Variants in ADGRL2 observed in about 807,000 individuals in gnomAD.
ADGRL2 encodes the protein adhesion G protein-coupled receptor L2, also known as calcium-independent alpha-latrotoxin receptor 2.
Under a neutral mutation model 157.4 loss-of-function variants are expected in ADGRL2, and 44 were observed. The ratio of observed to expected loss-of-function variants is 0.28; its 90% CI spans 0.22 to 0.36. ADGRL2 has a LOEUF of 0.36. Among genes scored for constraint, ADGRL2 ranks in the 10% least tolerant of loss-of-function variants. ADGRL2 has a pLI of 1.00. For synonymous variants in ADGRL2, 585 were observed against 624.7 expected (o/e 0.94, Z 0.95); for missense variants, 1,510 against 1,768.9 (o/e 0.85, Z 2.63).
At chr1:81,681,705 G>C (rs573263204) in intron 3 of ADGRL2, among the ~76,000 whole-genome samples, 1 of 152,278 alleles carries the variant, frequency 6.6e-6, no homozygotes, top group South Asian at 2.1e-4. Context: ...GCCTTGAGAA[G>C]GGGGAATTGT....
intron 2 of ADGRL2, among the ~76,000 whole-genome samples, chr1:81,864,815 CAAAA>C (rs2093489478): frequency 6.6e-6 from 1 of 151,948 alleles, no homozygotes; most frequent in African/African-American, 2.4e-5. Flanking sequence ...ACAAACAAAA[CAAAA>C]CAAACAAAAA....
intron 2 of ADGRL2, among the ~76,000 whole-genome samples, chr1:81,766,959 C>T (rs190292269): frequency 5.1e-4 from 77 of 151,990 alleles, no homozygotes; most frequent in Middle Eastern, 6.8e-3. Context: ...TACCCTTCTA[C>T]GGTTCTTTAA....
intron 2 of ADGRL2, chr1:81,503,349 G>T: frequency 1.9e-6 from 3 of 1,614,038 alleles, no homozygotes; most frequent in Non-Finnish European, 2.5e-6. Flanking sequence ...TCATCACGGG[G>T]TCTGCTCCCC....
At chr1:81,401,076 G>A (rs1342395834) in intron 1 of ADGRL2, among the ~76,000 whole-genome samples, 1 of 152,138 alleles carries the variant, frequency 6.6e-6, no homozygotes, top group East Asian at 1.9e-4. Context: ...TTCAGCTTAG[G>A]TACTAGGATT....
intron 3 of ADGRL2, among the ~76,000 whole-genome samples, chr1:81,641,114 T>G (rs1414139265): frequency 6.6e-6 from 1 of 152,218 alleles, no homozygotes. Flanking sequence ...GAATGAAGTG[T>G]TGCCTGATTC....
intron 11 of ADGRL2, among the ~76,000 whole-genome samples, chr1:81,957,914 A>G (rs1010405470): frequency 6.7e-6 from 1 of 149,614 alleles, no homozygotes; most frequent in African/African-American, 2.5e-5. Context: ...GCCTGCAATC[A>G]CAGCACTTTG....
At chr1:81,702,855 C>T (rs1383256913) in intron 1 of ADGRL2, among the ~76,000 whole-genome samples, 1 of 152,098 alleles carries the variant, frequency 6.6e-6, no homozygotes, top group African/African-American at 2.4e-5. Context: ...ACAGATGATG[C>T]AAGTAATTTC....
chr1:81,519,845 C>A (rs1201820699), intron 2 of ADGRL2, among the ~76,000 whole-genome samples: 1 of 152,058 alleles, frequency 6.6e-6, no homozygotes, highest in African/African-American at 2.4e-5. Context: ...AAGTACCCAG[C>A]CCCAGAAGAT....
At chr1:81,729,006 A>G (rs561028916) in intron 1 of ADGRL2, among the ~76,000 whole-genome samples, 2 of 152,216 alleles carry the variant, frequency 1.3e-5, no homozygotes, top group African/African-American at 4.8e-5. Context: ...AAGAGGGGTT[A>G]GATCTGATAA....
chr1:81,679,581 A>G (rs2083066310), intron 3 of ADGRL2, among the ~76,000 whole-genome samples: 1 of 152,210 alleles, frequency 6.6e-6, no homozygotes, highest in Non-Finnish European at 1.5e-5. Context: ...AGTGCTTTGC[A>G]CATAGTTTTA....
At chr1:81,840,434 C>T (rs910059869) in intron 2 of ADGRL2, among the ~76,000 whole-genome samples, 1 of 151,968 alleles carries the variant, frequency 6.6e-6, no homozygotes, top group African/African-American at 2.4e-5. Context: ...TACATCGGTA[C>T]ATAATGAGAC....
In ADGRL2 at chr1:81,343,905, T is replaced by C. The variant is rs1422918910; in HGVS notation, c.-302+37396T>C. 1.3e-5 allele frequency among the ~76,000 whole-genome samples: 2 copies of C among 152,122 alleles called. 1 individual carries two copies. Among genetic ancestry groups the C allele is most frequent in the Non-Finnish European group, 2.9e-5 (2 of 68,024 alleles). On this transcript the variant is annotated intron_variant, in intron 1 of 24. Coordinates refer to the ADGRL2 transcript ENST00000370721. The stretch of plus-strand genomic sequence containing the variant: ...TACATTTGGGAGTGGGACTTCAACA[T>C]ATAAATTTTGAGGAGACACAAGCAT...
chr1:81,418,687 G>A (rs7521950), intron 1 of ADGRL2, among the ~76,000 whole-genome samples: 71,670 of 152,026 alleles, frequency 0.47, 17,476 homozygotes, highest in Non-Finnish European at 0.53. Flanking sequence ...CCAGGAGGCA[G>A]TACTTGCAGT....
chr1:81,837,738 G>T (rs1254065429), intron 2 of ADGRL2, among the ~76,000 whole-genome samples: 1 of 151,762 alleles, frequency 6.6e-6, no homozygotes, highest in Non-Finnish European at 1.5e-5. Context: ...GAAATAATTG[G>T]AACCATCATT....
intron 1 of ADGRL2, among the ~76,000 whole-genome samples, chr1:81,701,179 C>G (rs950913336): frequency 6.6e-6 from 1 of 152,048 alleles, no homozygotes; most frequent in Non-Finnish European, 1.5e-5. Flanking sequence ...CGGTGGCATA[C>G]CTTGTTTTCT....
intron 2 of ADGRL2, among the ~76,000 whole-genome samples, chr1:81,863,643 T>G (rs899817295): frequency 1.3e-5 from 2 of 152,168 alleles, no homozygotes; most frequent in Admixed American, 6.5e-5. Context: ...TTTGATTTAG[T>G]ATAAAGTGAG....
intron 2 of ADGRL2, among the ~76,000 whole-genome samples, chr1:81,501,602 C>T (rs944284239): frequency 5.9e-5 from 9 of 152,238 alleles, no homozygotes; most frequent in Non-Finnish European, 1.0e-4. Flanking sequence ...CTGTGGCCCC[C>T]GGCTGCGGAG....
chr1:81,527,499 T>C (rs2148216334), intron 2 of ADGRL2, among the ~76,000 whole-genome samples: 1 of 152,132 alleles, frequency 6.6e-6, no homozygotes, highest in Non-Finnish European at 1.5e-5. Flanking sequence ...ATCACCCAAG[T>C]TCAGGAGTTC....
chr1:81,647,853 G>A (rs932360956), intron 3 of ADGRL2, among the ~76,000 whole-genome samples: 3 of 152,254 alleles, frequency 2.0e-5, no homozygotes, highest in East Asian at 1.9e-4. Context: ...GGGAAGATGC[G>A]ATAACAGCAC....
Sources: gnomAD v4.1 joint callset for allele counts (sites outside exome capture counted in the v4.1 genomes callset) on GRCh38, gnomAD v4.1.1 for gene constraint, MANE v1.5 for transcripts, NCBI Gene and HGNC (gene_info 2026-07-23, HGNC 2026-07-21) for gene names.